ZNF48: variants seen among roughly 807,000 people sequenced by gnomAD.
ZNF48 encodes the protein zinc finger protein 553.
ZNF48 carries 20 observed loss-of-function variants against 40.0 expected under a neutral mutation model. The ratio of observed to expected loss-of-function variants is 0.50; its 90% CI spans 0.35 to 0.73. The LOEUF (loss-of-function observed/expected upper bound fraction) is 0.73, where lower values mean the gene tolerates loss of function less well. ZNF48 is among the 30% of genes least tolerant of loss of function. ZNF48 has a pLI of 0.01. For missense variants in ZNF48, 726 were observed against 851.9 expected (o/e 0.85, Z 1.84); for synonymous variants, 298 against 329.7 (o/e 0.90, Z 1.04).
rs1440614693 is a variant in ZNF48 at position 30,398,546 on chromosome 16, G to T, written c.1296G>T (p.Glu432Asp). Reference protein sequence around the residue: ...EPFGLPGLEPEPGGPQAGEPP... With the variant: ...EPFGLPGLEPDPGGPQAGEPP... ...TTGGCCTGCCTGGCTTGGAGCCAGA[G>T]CCTGGGGGCCCACAGGCTGGGGAGC... The change falls in exon 3 of 3, where the codon GAG (glutamate) becomes GAT (aspartate). Residue 432 changes from glutamate (E) to aspartate (D), a missense_variant. Glu to Asp is a conservative substitution (Grantham distance 45, BLOSUM62 2). Coordinates refer to ENST00000613509, the MANE Select transcript of ZNF48 (RefSeq NM_001214909.2). This position sits in a 1 kb window ranked among gnomAD's most constrained non-coding sequence, Gnocchi z 6.6. 6.2e-7 allele frequency: 1 copy of T among 1,609,150 alleles called. No individual in the cohort carries two copies. The highest frequency in any genetic ancestry group is 1.1e-5 in the South Asian group (1 of 90,750).
Position 30,382,659 on chromosome 16 carries a change from G to T in ZNF48, c.-16+4249G>T. On this transcript the variant is annotated intron_variant, in intron 1 of 2. Transcript: ENST00000528032. This position sits in a 1 kb window ranked among gnomAD's most constrained non-coding sequence, Gnocchi z 4.8. ...GCTCAAACTGGCCCAGTCCCAGAGA[G>T]GTGGGGAAGGCCAAGGCCAAGAACA... 4 of 1,536,348 alleles carry T rather than the reference G, an allele frequency of 2.6e-6. No homozygotes were observed. Among genetic ancestry groups the T allele is most frequent in the Non-Finnish European group, 3.5e-6 (4 of 1,142,946 alleles).
At chr16:30,380,993 T>C in intron 1 of ZNF48, 1 of 788,142 alleles carries the variant, frequency 1.3e-6, no homozygotes, top group African/African-American at 1.7e-5. Context: ...ACCACCCGCC[T>C]TCCTCAGAAG....
At chr16:30,391,434 C>T (rs11865177), upstream of ZNF48, among the ~76,000 whole-genome samples, 737 of 151,970 alleles carry the variant, frequency 4.8e-3, 7 homozygotes, top group African/African-American at 0.017. Flanking sequence ...ATGATCCGCC[C>T]GCCTCAGCCT....
rs775032035 is a variant in ZNF48 at position 30,381,742 on chromosome 16, C to A, written c.-16+3332C>A. The A allele has an allele frequency of 9.3e-6, 15 of 1,613,442 alleles. No individual in the cohort carries two copies. In the South Asian group the frequency reaches 1.6e-4, roughly 18 times the overall value. On this transcript the variant is annotated intron_variant, in intron 1 of 2. Coordinates refer to the ZNF48 transcript ENST00000528032. This position sits in a 1 kb window ranked among gnomAD's most constrained non-coding sequence, Gnocchi z 4.3. ...CACTGTGAAAGGCTGAGCCTCTGTC[C>A]CCTTTCCTCTTCCTCACCAGTCAGA...
At chr16:30,389,402 A>AT (rs1597014749) in intron 1 of ZNF48, among the ~76,000 whole-genome samples, 3 of 149,690 alleles carry the variant, frequency 2.0e-5, no homozygotes, top group Non-Finnish European at 3.0e-5. Flanking sequence ...AAAAAAAAAA[A>AT]AAAATAATAA....
Position 30,382,546 on chromosome 16 carries a change from T to C in ZNF48, c.-16+4136T>C, listed in dbSNP as rs1597009591. 4 of 1,591,944 alleles carry C rather than the reference T, an allele frequency of 2.5e-6. No individual in the cohort carries two copies. Among genetic ancestry groups the C allele is most frequent in the Non-Finnish European group, 3.4e-6 (4 of 1,169,524 alleles). On this transcript the variant is annotated intron_variant, in intron 1 of 2. Transcript: ENST00000528032. This position sits in a 1 kb window ranked among gnomAD's most constrained non-coding sequence, Gnocchi z 4.8. ...TCACCATGACTCCGCCAGCCATCAC[T>C]GCACCTGCCGTCTCTCCCCACTTCC...
intron 1 of ZNF48, among the ~76,000 whole-genome samples, chr16:30,383,217 C>G (rs2049873024): frequency 6.6e-6 from 1 of 152,152 alleles, no homozygotes; most frequent in Admixed American, 6.6e-5. Flanking sequence ...GAGACGGAGT[C>G]TCGCTCTGTT....
rs2049867687 is a variant in ZNF48 at position 30,382,665 on chromosome 16, G to T, written c.-16+4255G>T. The T allele has an allele frequency of 2.6e-6, 4 of 1,533,898 alleles. No individual in the cohort carries two copies. In the South Asian group the frequency reaches 4.8e-5, roughly 18 times the overall value. On this transcript the variant is annotated intron_variant, in intron 1 of 2. Coordinates refer to the ZNF48 transcript ENST00000528032. The surrounding 1 kb of genome is among the most constrained non-coding windows in gnomAD (Gnocchi z 4.8). ...ACTGGCCCAGTCCCAGAGAGGTGGG[G>T]AAGGCCAAGGCCAAGAACACTTGGG... is the stretch of plus-strand genomic sequence containing the variant.
Position 30,381,207 on chromosome 16 carries a change from G to A in ZNF48, c.-16+2797G>A. Reference sequence around the variant, plus strand: ...ACTGGGATGATGTTGACTTTCTCGTGTACTGCCCGGAGGAAGGCCACATCT... The same window carrying A: ...ACTGGGATGATGTTGACTTTCTCGTATACTGCCCGGAGGAAGGCCACATCT... On this transcript the variant is annotated intron_variant, in intron 1 of 2. Transcript: ENST00000528032. The surrounding 1 kb of genome is among the most constrained non-coding windows in gnomAD (Gnocchi z 4.3). 2 of 1,614,034 alleles carry A rather than the reference G, an allele frequency of 1.2e-6. No individual in the cohort carries two copies. Among genetic ancestry groups the A allele is most frequent in the Non-Finnish European group, 1.7e-6 (2 of 1,180,004 alleles).
chr16:30,396,145 CCT>C (rs2049982976), intron 2 of ZNF48, among the ~76,000 whole-genome samples: 1 of 152,200 alleles, frequency 6.6e-6, no homozygotes, highest in African/African-American at 2.4e-5. Context: ...GCAGTAGCCT[CCT>C]CTCTGCCCCT....
Position 30,381,718 on chromosome 16 carries a change from A to G in ZNF48, c.-16+3308A>G. 1 of 1,609,076 alleles carries G rather than the reference A, an allele frequency of 6.2e-7. No homozygotes were observed. The highest frequency in any genetic ancestry group is 8.5e-7 in the Non-Finnish European group (1 of 1,177,640). On this transcript the variant is annotated intron_variant, in intron 1 of 2. Transcript: ENST00000528032. The surrounding 1 kb of genome is among the most constrained non-coding windows in gnomAD (Gnocchi z 4.3). ...TCCTGTAACTCTCCAGGGAGTCGCC[A>G]CTGTGAAAGGCTGAGCCTCTGTCCC...
intron 1 of ZNF48, among the ~76,000 whole-genome samples, chr16:30,385,116 G>T (rs542259852): frequency 6.6e-6 from 1 of 151,288 alleles, no homozygotes; most frequent in Non-Finnish European, 1.5e-5. Flanking sequence ...TGAAGTTTGC[G>T]GTGAGCTGAG....
chr16:30,378,447 G>A, intron 1 of ZNF48: 1 of 1,572,730 alleles, frequency 6.4e-7, no homozygotes, highest in South Asian at 1.1e-5. Context: ...GAGGGCGTCT[G>A]ACTGCTCGCC....
At chr16:30,380,769 A>T (rs1225951275) in intron 1 of ZNF48, 1 of 217,368 alleles carries the variant, frequency 4.6e-6, no homozygotes, top group Non-Finnish European at 8.9e-6. Context: ...GACTCTATCT[A>T]AAAAAAAAAA....
intron 1 of ZNF48, chr16:30,379,872 G>T: frequency 2.2e-6 from 2 of 910,638 alleles, no homozygotes; most frequent in East Asian, 2.5e-5. Flanking sequence ...CTCCCAAAGT[G>T]CTGGGATTAC....
Position 30,399,284 on chromosome 16 carries a change from TGGGCTGAGTC to T in ZNF48, c.*178_*187del, listed in dbSNP as rs1359519562. On this transcript the variant is annotated 3_prime_UTR_variant, in exon 3 of 3. Coordinates refer to ENST00000613509, the MANE Select transcript of ZNF48 (RefSeq NM_001214909.2). ...TTGAAGCTCAGGAAACTGTCCTGGCTGGGCTGAGTCAGGACCTTGCCAGGACGGGCTGTAC... is the reference window on the plus strand; with the variant it reads ...TTGAAGCTCAGGAAACTGTCCTGGCTAGGACCTTGCCAGGACGGGCTGTAC... The T allele has an allele frequency of 1.2e-5, 8 of 687,046 alleles. No homozygotes were observed. In the East Asian group the frequency reaches 2.0e-4, roughly 17 times the overall value. The allele number at this position is 687,046 out of a possible 1,614,324, so 42.6% of individuals were successfully genotyped here.
At chr16:30,388,609 C>G (rs2151114527) in intron 1 of ZNF48, among the ~76,000 whole-genome samples, 1 of 152,318 alleles carries the variant, frequency 6.6e-6, no homozygotes. Context: ...CAACCACAGT[C>G]CAGGCGCGGT....
At chr16:30,378,381 G>C (rs1027151814) in exon 1 of ZNF48, 33 of 1,485,528 alleles carry the variant, frequency 2.2e-5, no homozygotes, top group Non-Finnish European at 2.9e-5. Context: ...GCGGGGATTG[G>C]ACAAGAGGCC....
At chr16:30,379,805 C>T (rs1268304264) in intron 1 of ZNF48, 17 of 653,464 alleles carry the variant, frequency 2.6e-5, no homozygotes, top group Non-Finnish European at 5.4e-6. Flanking sequence ...TGGGGTCTCG[C>T]CATGTTGCCC....
Sources: gnomAD v4.1 joint callset for allele counts (sites outside exome capture counted in the v4.1 genomes callset) on GRCh38, gnomAD v4.1.1 for gene constraint, Gnocchi (gnomAD v3.1) non-coding constraint, MANE v1.5 for transcripts, NCBI Gene and HGNC (gene_info 2026-07-23, HGNC 2026-07-21) for gene names.